FREM2: variants seen among roughly 807,000 people sequenced by gnomAD.
FREM2 encodes FRAS1 related extracellular matrix 2, also known as FRAS1-related extracellular matrix protein 2.
Under a neutral mutation model 219.9 loss-of-function variants are expected in FREM2, and 119 were observed. That is an observed-to-expected ratio of 0.54 (90% confidence interval 0.47 to 0.63). FREM2 has a LOEUF of 0.63. Among genes scored for constraint, FREM2 ranks in the 30% least tolerant of loss-of-function variants. The pLI is 0.00. For synonymous variants in FREM2, 1,562 were observed against 1,522.8 expected (o/e 1.03, Z -0.60); for missense variants, 4,030 against 3,993.6 (o/e 1.01, Z -0.25).
In FREM2 at chr13:38,886,268, AAGT is replaced by A. The variant is rs748553180; in HGVS notation, c.*5485_*5487del. On this transcript the variant is annotated 3_prime_UTR_variant, in exon 24 of 24. Coordinates refer to ENST00000280481, the MANE Select transcript of FREM2 (RefSeq NM_207361.6). The stretch of plus-strand genomic sequence containing the variant: ...AAGCTAAATTTATGCACATTACAAA[AAGT>A]AGTCAAGTCAGTCTTCCATTGTGAC... The A allele has an allele frequency of 9.2e-5, 14 of 152,214 alleles. No homozygotes were observed. The highest frequency in any genetic ancestry group is 1.9e-4 in the Non-Finnish European group (13 of 68,040). The allele number at this position is 152,214 out of a possible 1,614,324, so 9.4% of individuals were successfully genotyped here.
intron 6 of FREM2, among the ~76,000 whole-genome samples, chr13:38,842,456 A>C (rs1169749816): frequency 1.3e-5 from 2 of 152,176 alleles, no homozygotes; most frequent in Non-Finnish European, 2.9e-5. Context: ...CGTTATGGAG[A>C]AGTTCACCTT....
Position 38,764,229 on chromosome 13 carries a change from A to C in FREM2, c.5264-75A>C, listed in dbSNP as rs1873346642. The C allele has an allele frequency of 3.8e-6, 4 of 1,043,122 alleles. No individual in the cohort carries two copies. In the East Asian group the frequency reaches 9.5e-5, roughly 25 times the overall value. 64.6% of individuals were successfully genotyped at this position (1,043,122 alleles called of 1,614,324 possible). A position where few individuals can be genotyped will look rare whatever the true frequency, so the allele number is the denominator to read the frequency against. On this transcript the variant is annotated intron_variant, in intron 2 of 23. Transcript: ENST00000280481. ...ATTGATTGTTAATGTTGTTTCATTAAAGTAATCTGTGGAATTTTGAAGATC... is the reference window on the plus strand; with the variant it reads ...ATTGATTGTTAATGTTGTTTCATTACAGTAATCTGTGGAATTTTGAAGATC...
Position 38,886,217 on chromosome 13 carries a change from G to A in FREM2, c.*5430G>A, listed in dbSNP as rs927330269. ...TAAAATAGAGAAAGGCAACTACTGA[G>A]TAAGAAGAAAAGATAATTTCTGTAA... is the stretch of plus-strand genomic sequence containing the variant. On this transcript the variant is annotated 3_prime_UTR_variant, in exon 24 of 24. Coordinates refer to ENST00000280481, the MANE Select transcript of FREM2 (RefSeq NM_207361.6). 2.0e-5 allele frequency: 3 copies of A among 152,132 alleles called. No homozygotes were observed. Among genetic ancestry groups the A allele is most frequent in the Non-Finnish European group, 4.4e-5 (3 of 68,022 alleles). The allele number at this position is 152,132 out of a possible 1,614,324, so 9.4% of individuals were successfully genotyped here.
At chr13:38,769,447 C>T in intron 3 of FREM2, 131 bp from the exon 4 acceptor site, 1 of 782,190 alleles carries the variant, frequency 1.3e-6, no homozygotes, top group South Asian at 1.5e-5. Flanking sequence ...TCCCAATTTT[C>T]CATTTCATGA....
intron 6 of FREM2, among the ~76,000 whole-genome samples, chr13:38,790,191 G>A (rs1282668450): frequency 6.6e-6 from 1 of 152,132 alleles, no homozygotes; most frequent in Non-Finnish European, 1.5e-5. Context: ...GAAACAACAA[G>A]CTCCATAAGA....
At chr13:38,728,305 G>T (rs928112442) in intron 2 of FREM2, among the ~76,000 whole-genome samples, 2 of 152,094 alleles carry the variant, frequency 1.3e-5, no homozygotes, top group African/African-American at 4.8e-5. Context: ...AAACTCTAGG[G>T]CTGAGTATAC....
intron 6 of FREM2, among the ~76,000 whole-genome samples, chr13:38,796,126 T>A (rs1593412900): frequency 6.6e-6 from 1 of 152,102 alleles, no homozygotes; most frequent in Non-Finnish European, 1.5e-5. Flanking sequence ...GGAAAACAGG[T>A]ACCTGGATCT....
chr13:38,793,323 G>T (rs1470882479), intron 6 of FREM2, among the ~76,000 whole-genome samples: 1 of 152,168 alleles, frequency 6.6e-6, no homozygotes, highest in Non-Finnish European at 1.5e-5. Flanking sequence ...CCAGGTTCAG[G>T]AAAAACTTCT....
At chr13:38,786,968 G>A (rs2137834178) in intron 6 of FREM2, among the ~76,000 whole-genome samples, 1 of 152,186 alleles carries the variant, frequency 6.6e-6, no homozygotes, top group Non-Finnish European at 1.5e-5. Context: ...TTTAAAACGT[G>A]TCTCTAGTGG....
chr13:38,722,498 C>T (rs1260176837), intron 2 of FREM2, among the ~76,000 whole-genome samples: 1 of 151,978 alleles, frequency 6.6e-6, no homozygotes, highest in Admixed American at 6.6e-5. Context: ...GTACTGATTT[C>T]ACTGACTAAG....
intron 3 of FREM2, among the ~76,000 whole-genome samples, chr13:38,768,257 C>T (rs1873519822): frequency 6.6e-6 from 1 of 151,428 alleles, no homozygotes; most frequent in South Asian, 2.1e-4. Context: ...TTTATTTTTC[C>T]CTCTTTTATT....
chr13:38,886,460 T>A lies in FREM2; in HGVS notation c.*5673T>A, dbSNP rs1291400752. The A allele has an allele frequency of 6.6e-6, 1 of 152,032 alleles. No homozygotes were observed. Among genetic ancestry groups the A allele is most frequent in the African/African-American group, 2.4e-5 (1 of 41,356 alleles). 9.4% of individuals were successfully genotyped at this position (152,032 alleles called of 1,614,324 possible). On this transcript the variant is annotated 3_prime_UTR_variant, in exon 24 of 24. Coordinates refer to ENST00000280481, the MANE Select transcript of FREM2 (RefSeq NM_207361.6). ...TTGCCCAGGCTGGAGTGCAATGGAATGATCTTGGCTCACCGCAACCTCCGC... is the reference window on the plus strand; with the variant it reads ...TTGCCCAGGCTGGAGTGCAATGGAAAGATCTTGGCTCACCGCAACCTCCGC...
At chr13:38,692,642 G>A in intron 1 of FREM2, 125 bp downstream of exon 1, 1 of 1,125,096 alleles carries the variant, frequency 8.9e-7, no homozygotes, top group Non-Finnish European at 1.3e-6. Context: ...GGGATGGGGA[G>A]AATATAGGGA....
intron 2 of FREM2, among the ~76,000 whole-genome samples, chr13:38,699,707 T>C (rs1056710598): frequency 1.3e-5 from 2 of 152,104 alleles, no homozygotes; most frequent in East Asian, 1.9e-4. Flanking sequence ...TCCCCTGATA[T>C]AAGAAAACTA....
chr13:38,819,084 G>A (rs570425928), intron 6 of FREM2, among the ~76,000 whole-genome samples: 1 of 152,162 alleles, frequency 6.6e-6, no homozygotes, highest in Admixed American at 6.5e-5. Flanking sequence ...AAACAAAGAA[G>A]AAGGCAAATG....
chr13:38,728,475 G>T (rs1199676949), intron 2 of FREM2, among the ~76,000 whole-genome samples: 2 of 151,826 alleles, frequency 1.3e-5, no homozygotes, highest in African/African-American at 4.8e-5. Context: ...GTGTGATCAG[G>T]GCTCGGTGCA....
intron 6 of FREM2, among the ~76,000 whole-genome samples, chr13:38,789,675 G>A (rs1164228270): frequency 2.7e-5 from 4 of 150,682 alleles, no homozygotes; most frequent in Admixed American, 6.6e-5. Context: ...ATATCTATTT[G>A]CTACTTAACT....
In FREM2 at chr13:38,687,624, GA is replaced by G; in HGVS notation, c.281del (p.Asp94AlafsTer17). ...TGAAGTCTGGCTGGATCCCCTGCAT[GA>G]CCTGGTGTTGCAGGTGCAGCCCGGG... Reference protein sequence around the residue: ...GREVWLDPLHDLVLQVQPGDR... With the variant: ...GREVWLDPLHXLVLQVQPGDR... On this transcript the variant is annotated frameshift_variant, in exon 1 of 24. Transcript: ENST00000280481. LOFTEE classifies it high-confidence loss of function. 1 of 1,609,848 alleles carries G rather than the reference GA, an allele frequency of 6.2e-7. No homozygotes were observed. Among genetic ancestry groups the G allele is most frequent in the Non-Finnish European group, 8.5e-7 (1 of 1,178,262 alleles).
intron 6 of FREM2, among the ~76,000 whole-genome samples, chr13:38,823,707 G>A (rs1348312637): frequency 6.6e-6 from 1 of 152,004 alleles, no homozygotes; most frequent in African/African-American, 2.4e-5. Flanking sequence ...TGGTGACTGA[G>A]CACTTTCCAT....
Sources: gnomAD v4.1 joint callset for allele counts (sites outside exome capture counted in the v4.1 genomes callset) on GRCh38, gnomAD v4.1.1 for gene constraint, MANE v1.5 for transcripts, NCBI Gene and HGNC (gene_info 2026-07-23, HGNC 2026-07-21) for gene names.